Variants in OR2L13 observed in about 807,000 individuals in gnomAD.
OR2L13 encodes the protein olfactory receptor family 2 subfamily L member 13, also known as olfactory receptor 2L13.
In OR2L13, 14 loss-of-function variants were observed where a neutral mutation model predicts 15.3. That is an observed-to-expected ratio of 0.91 (90% CI 0.60 to 1.43). The LOEUF (loss-of-function observed/expected upper bound fraction) is 1.43, where lower values mean the gene tolerates loss of function less well. Ranked by LOEUF, OR2L13 falls within the 40% of genes most tolerant of loss-of-function variation. The probability of loss-of-function intolerance (pLI) is 0.00; values close to 1 mark genes in which losing one functional copy is unlikely to be tolerated. For missense variants in OR2L13, 367 were observed against 387.9 expected (o/e 0.95, Z 0.45); for synonymous variants, 152 against 142.9 (o/e 1.06, Z -0.45).
the OR2L13 span, among the ~76,000 whole-genome samples, chr1:247,943,502 A>G: frequency 2.6e-4 from 39 of 152,220 alleles, 1 homozygote; most frequent in South Asian, 4.1e-4. Context: ...TACTAATTCT[A>G]TGTTTAAATT....
the OR2L13 span, chr1:247,966,190 A>G: frequency 6.2e-7 from 1 of 1,614,012 alleles, no homozygotes; most frequent in Middle Eastern, 1.6e-4. Flanking sequence ...TTCACGGGAT[A>G]AGGCGGTGGC....
chr1:247,959,353 T>G, the OR2L13 span, among the ~76,000 whole-genome samples: 1 of 152,194 alleles, frequency 6.6e-6, no homozygotes, highest in Admixed American at 6.5e-5. Flanking sequence ...TAACTAGACT[T>G]TTCTTTCTGG....
the OR2L13 span, among the ~76,000 whole-genome samples, chr1:248,073,773 A>T: frequency 1.3e-5 from 2 of 152,034 alleles, no homozygotes; most frequent in African/African-American, 2.4e-5. Context: ...TATTATAGAA[A>T]AGTTAATATG....
the OR2L13 span, among the ~76,000 whole-genome samples, chr1:248,079,787 T>C: frequency 3.9e-5 from 6 of 152,194 alleles, no homozygotes; most frequent in Non-Finnish European, 8.8e-5. Flanking sequence ...GTTAGCATAG[T>C]AGACTATCTT....
At chr1:248,090,524 T>C (rs1320755527), upstream of OR2L13, among the ~76,000 whole-genome samples, 2 of 152,196 alleles carry the variant, frequency 1.3e-5, no homozygotes, top group Admixed American at 6.5e-5. Flanking sequence ...CCACTTATAA[T>C]GAAAACATGC....
chr1:248,037,954 C>A, the OR2L13 span, among the ~76,000 whole-genome samples: 16 of 152,250 alleles, frequency 1.1e-4, no homozygotes, highest in East Asian at 2.3e-3. Context: ...GAAAAATGAG[C>A]ACTTTTTCAA....
the OR2L13 span, among the ~76,000 whole-genome samples, chr1:248,011,767 G>A: frequency 6.6e-6 from 1 of 151,986 alleles, no homozygotes; most frequent in African/African-American, 2.4e-5. Context: ...TGCTGTTTTG[G>A]CATTTTGGTC....
At chr1:247,966,048 G>A in the OR2L13 span, 3 of 1,613,948 alleles carry the variant, frequency 1.9e-6, no homozygotes, top group Middle Eastern at 3.3e-4. Context: ...TGCTTATTGT[G>A]GTATTCCAGA....
chr1:247,975,474 T>C, the OR2L13 span: 8 of 814,830 alleles, frequency 9.8e-6, no homozygotes, highest in East Asian at 2.6e-5. Context: ...TTTTCTACTA[T>C]GCAATGTTTG....
At chr1:247,994,674 A>T in the OR2L13 span, among the ~76,000 whole-genome samples, 1 of 152,164 alleles carries the variant, frequency 6.6e-6, no homozygotes, top group Non-Finnish European at 1.5e-5. Context: ...GAGTAAGTCT[A>T]GATAGCTGAT....
chr1:248,059,355 C>T, the OR2L13 span, among the ~76,000 whole-genome samples: 1 of 152,150 alleles, frequency 6.6e-6, no homozygotes, highest in Non-Finnish European at 1.5e-5. Context: ...TGTCAGAATT[C>T]TAGTTTCCCT....
chr1:248,060,017 T>A, the OR2L13 span, among the ~76,000 whole-genome samples: 1 of 149,928 alleles, frequency 6.7e-6, no homozygotes, highest in African/African-American at 2.5e-5. Context: ...CCCACCTGGG[T>A]AACAGAGAGA....
upstream of OR2L13, among the ~76,000 whole-genome samples, chr1:248,092,654 C>T (rs1422575042): frequency 6.6e-6 from 1 of 152,132 alleles, no homozygotes; most frequent in Non-Finnish European, 1.5e-5. Context: ...ACTGGTTAAA[C>T]CAAAACTTTA....
the OR2L13 span, among the ~76,000 whole-genome samples, chr1:247,970,477 A>G: frequency 6.6e-6 from 1 of 152,134 alleles, no homozygotes; most frequent in African/African-American, 2.4e-5. Flanking sequence ...GGAAAAACCC[A>G]CAACTTGTGT....
the OR2L13 span, among the ~76,000 whole-genome samples, chr1:247,968,094 A>AAAAAAAAAAAT: frequency 2.0e-5 from 3 of 152,138 alleles, no homozygotes; most frequent in African/African-American, 7.2e-5. Context: ...GTGTGTAAAA[A>AAAAAAAAAAAT]GCATATATGT....
the OR2L13 span, among the ~76,000 whole-genome samples, chr1:247,970,741 GA>G: frequency 6.6e-6 from 1 of 152,184 alleles, no homozygotes; most frequent in Non-Finnish European, 1.5e-5. Flanking sequence ...AAAACTTGTA[GA>G]AGAGTTACTC....
the OR2L13 span, among the ~76,000 whole-genome samples, chr1:247,985,887 T>C: frequency 1.3e-5 from 2 of 152,260 alleles, no homozygotes; most frequent in African/African-American, 4.8e-5. Flanking sequence ...TTCATGTGTC[T>C]GTTGGCAGCA....
chr1:247,966,111 G>A, the OR2L13 span: 1 of 1,613,954 alleles, frequency 6.2e-7, no homozygotes, highest in Non-Finnish European at 8.5e-7. Flanking sequence ...CCTCCCACCT[G>A]ATTGTGGCAA....
the OR2L13 span, among the ~76,000 whole-genome samples, chr1:247,981,904 C>T: frequency 2.0e-5 from 3 of 152,012 alleles, no homozygotes; most frequent in South Asian, 2.1e-4. Context: ...CAAGCTCCGC[C>T]TCCCGGGTTC....
Sources: allele counts gnomAD v4.1 joint callset (sites outside exome capture counted in the v4.1 genomes callset), GRCh38; gene constraint gnomAD v4.1.1; transcripts MANE v1.5; gene names NCBI Gene and HGNC (gene_info 2026-07-23, HGNC 2026-07-21).